IL22RA1: variants seen among roughly 807,000 people sequenced by gnomAD.
IL22RA1 encodes interleukin 22 receptor subunit alpha 1, also known as interleukin-22 receptor subunit alpha-1.
A neutral mutation model predicts 32.8 loss-of-function variants in IL22RA1; 25 were observed. The ratio of observed to expected loss-of-function variants is 0.76; its 90% CI spans 0.55 to 1.06. The LOEUF is 1.06. Among genes scored for constraint, IL22RA1 ranks in the 50% least tolerant of loss-of-function variants. IL22RA1 has a pLI of 0.00. For synonymous variants in IL22RA1, 305 were observed against 305.0 expected (o/e 1.00, Z 0.00); for missense variants, 709 against 727.4 (o/e 0.97, Z 0.29).
At chr1:24,121,805 T>C in intron 6 of IL22RA1, 68 bp from the exon 7 acceptor site, 2 of 1,306,362 alleles carry the variant, frequency 1.5e-6, no homozygotes, top group Admixed American at 6.2e-5. Context: ...ACTGGTGATG[T>C]GGGTGGGTGA....
rs11804239 is a variant in IL22RA1 at position 24,124,800 on chromosome 1, C to G, written c.671-1377G>C. ...ACTTCAGTGAAACCCTGTCTCCTGT[C>G]ACATGTTACCCCCATCCCTACTCCA... is the stretch of plus-strand genomic sequence containing the variant. On this transcript the variant is annotated intron_variant, in intron 5 of 6. Coordinates refer to ENST00000270800, the MANE Select transcript of IL22RA1 (RefSeq NM_021258.4). Among the ~76,000 whole-genome samples the G allele has an allele frequency of 1.1e-4, 17 of 152,122 alleles. 1 individual carries two copies. Among genetic ancestry groups the G allele is most frequent in the Admixed American group, 9.2e-4 (14 of 15,272 alleles).
Position 24,136,997 on chromosome 1 carries a change from C to T in IL22RA1, c.355+134G>A, listed in dbSNP as rs529790576. On this transcript the variant is annotated intron_variant, in intron 3 of 6. Transcript: ENST00000270800. ...GGGGGCTTCCCTAAAAGCCACATCCCCAGCTGCCCCTCCCCTTGCAGAGAG... is the reference window on the plus strand; with the variant it reads ...GGGGGCTTCCCTAAAAGCCACATCCTCAGCTGCCCCTCCCCTTGCAGAGAG... 8 of 792,940 alleles carry T rather than the reference C, an allele frequency of 1.0e-5. No individual in the cohort carries two copies. The South Asian group carries it at 1.6e-4, about 16-fold the overall frequency. The allele number at this position is 792,940 out of a possible 1,614,324, so 49.1% of individuals were successfully genotyped here. A position where few individuals can be genotyped will look rare whatever the true frequency, so the allele number is the denominator to read the frequency against.
intron 1 of IL22RA1, among the ~76,000 whole-genome samples, chr1:24,141,677 C>A (rs946696445): frequency 6.6e-6 from 1 of 152,140 alleles, no homozygotes; most frequent in African/African-American, 2.4e-5. Flanking sequence ...CTTCTCCCAC[C>A]CTCCTCGCTC....
intron 5 of IL22RA1, 101 bp downstream of exon 5, chr1:24,128,039 TC>T (rs1644176928): frequency 8.2e-7 from 1 of 1,213,136 alleles, no homozygotes; most frequent in Admixed American, 3.1e-5. Flanking sequence ...TCCATGGTTT[TC>T]TAGAGTGTTG....
rs917324148 is a variant in IL22RA1, at chr1:24,143,084, G to A, written c.-2C>T. ...CAAGATGGTCAGCAGCGTCCTCATCGGGGCTGGCACAGAGCCCTCCCTTGG... is the reference window on the plus strand; with the variant it reads ...CAAGATGGTCAGCAGCGTCCTCATCAGGGCTGGCACAGAGCCCTCCCTTGG... On this transcript the variant is annotated 5_prime_UTR_variant, in exon 1 of 7. Transcript: ENST00000270800. 5.0e-6 allele frequency: 8 copies of A among 1,612,522 alleles called. No homozygotes were observed. The highest frequency in any genetic ancestry group is 3.3e-5 in the Admixed American group (2 of 59,882).
intron 5 of IL22RA1, among the ~76,000 whole-genome samples, chr1:24,123,821 T>A (rs1007446932): frequency 4.7e-5 from 7 of 148,102 alleles, no homozygotes; most frequent in East Asian, 2.2e-4. Context: ...CATCCCACAC[T>A]GCCAGGGCCC....
chr1:24,134,559 A>G (rs1557630252), intron 3 of IL22RA1, among the ~76,000 whole-genome samples, 173 bp from the exon 4 acceptor site: 1 of 152,176 alleles, frequency 6.6e-6, no homozygotes, highest in South Asian at 2.1e-4. Flanking sequence ...AGTTTCTACA[A>G]GCCCTGGTGT....
rs978829872 is a variant in IL22RA1 at position 24,125,592 on chromosome 1, A to G, written c.671-2169T>C. Among the ~76,000 whole-genome samples, 14 of 152,144 alleles carry G rather than the reference A, an allele frequency of 9.2e-5. 1 individual carries two copies. Among genetic ancestry groups the G allele is most frequent in the Admixed American group, 8.5e-4 (13 of 15,276 alleles). ...GTGTGCAGTACAGGGGGCTCACTGT[A>G]AACAAAGTTGCAAAGTGGTGGGTAG... On this transcript the variant is annotated intron_variant, in intron 5 of 6. Coordinates refer to ENST00000270800, the MANE Select transcript of IL22RA1 (RefSeq NM_021258.4).
In IL22RA1 at chr1:24,128,268, C is replaced by T. The variant is rs1644178855; in HGVS notation, c.543G>A (p.Gly181=). The part of the protein sequence containing the change: ...VNRTYQMHLG[G]KQREYEFFGL... ...CGAAGAACTCATATTCTCTCTGCTT[C>T]CCTCCAAGGTGCTGAATTGGACAGA... The change falls in exon 5 of 7, where the codon GGG becomes GGA. Residue 181 remains glycine (G), a synonymous_variant. Coordinates refer to ENST00000270800, the MANE Select transcript of IL22RA1 (RefSeq NM_021258.4). 1 of 1,613,434 alleles carries T rather than the reference C, an allele frequency of 6.2e-7. No homozygotes were observed. The highest frequency in any genetic ancestry group is 1.3e-5 in the African/African-American group (1 of 74,940).
At chr1:24,137,374 A>G in intron 2 of IL22RA1, 65 bp from the exon 3 acceptor site, 1 of 1,451,176 alleles carries the variant, frequency 6.9e-7, no homozygotes, top group Admixed American at 1.7e-5. Flanking sequence ...CCTGTGGCTT[A>G]TTAATAATGC....
chr1:24,130,423 A>G (rs1045310605), intron 4 of IL22RA1, among the ~76,000 whole-genome samples: 1 of 152,222 alleles, frequency 6.6e-6, no homozygotes, highest in Non-Finnish European at 1.5e-5. Flanking sequence ...TAAAGTAGGC[A>G]TGAATGGGGT....
chr1:24,119,929 T>C lies in IL22RA1; in HGVS notation c.*876A>G, dbSNP rs903822857. The C allele has an allele frequency of 1.3e-5, 2 of 152,240 alleles. No individual in the cohort carries two copies. Among genetic ancestry groups the C allele is most frequent in the East Asian group, 3.8e-4 (2 of 5,200 alleles). 9.4% of individuals were successfully genotyped at this position (152,240 alleles called of 1,614,324 possible). ...CGAGGTTCTGGGCACTGATTTCATT[T>C]GTTTGAAGTCACACAGCTTGTGAGT... On this transcript the variant is annotated 3_prime_UTR_variant, in exon 7 of 7. Coordinates refer to ENST00000270800, the MANE Select transcript of IL22RA1 (RefSeq NM_021258.4).
At chr1:24,129,058 T>C (rs1407758761) in intron 4 of IL22RA1, among the ~76,000 whole-genome samples, 1 of 152,132 alleles carries the variant, frequency 6.6e-6, no homozygotes, top group Non-Finnish European at 1.5e-5. Flanking sequence ...CTGCCAATCC[T>C]TCTGCTGGAA....
chr1:24,140,225 G>A (rs1457878251), intron 1 of IL22RA1, among the ~76,000 whole-genome samples: 1 of 152,238 alleles, frequency 6.6e-6, no homozygotes, highest in Non-Finnish European at 1.5e-5. Context: ...CTGCCGCCCA[G>A]CATCACAGTT....
chr1:24,141,744 C>T (rs939285474), intron 1 of IL22RA1, among the ~76,000 whole-genome samples: 19 of 152,256 alleles, frequency 1.2e-4, no homozygotes, highest in African/African-American at 4.1e-4. Flanking sequence ...CGGCACTTCC[C>T]GGGTGAAAGT....
intron 5 of IL22RA1, among the ~76,000 whole-genome samples, chr1:24,127,381 A>T (rs1421149209): frequency 6.6e-6 from 1 of 151,402 alleles, no homozygotes; most frequent in Non-Finnish European, 1.5e-5. Context: ...GTGCAAACAT[A>T]GCTCTTTGCA....
intron 1 of IL22RA1, among the ~76,000 whole-genome samples, chr1:24,142,360 GGAGAGCAGA>G (rs1225531940): frequency 5.9e-5 from 9 of 152,370 alleles, no homozygotes; most frequent in East Asian, 3.9e-4. Context: ...CAATGCACCA[GGAGAGCAGA>G]GAGAGAGTCT....
At chr1:24,138,068 T>C (rs1037870700) in intron 2 of IL22RA1, among the ~76,000 whole-genome samples, 3 of 152,086 alleles carry the variant, frequency 2.0e-5, no homozygotes, top group African/African-American at 7.2e-5. Flanking sequence ...GAAGCCAGGT[T>C]TGAGGACTCC....
chr1:24,125,700 G>A (rs1460272286), intron 5 of IL22RA1, among the ~76,000 whole-genome samples: 1 of 152,172 alleles, frequency 6.6e-6, no homozygotes, highest in African/African-American at 2.4e-5. Flanking sequence ...ACCTCTCTGA[G>A]CCAGAGTTCC....
Sources: allele counts gnomAD v4.1 joint callset (sites outside exome capture counted in the v4.1 genomes callset), GRCh38; gene constraint gnomAD v4.1.1; transcripts MANE v1.5; gene names NCBI Gene and HGNC (gene_info 2026-07-23, HGNC 2026-07-21).